The following FBXO21 variants were observed in gnomAD, a reference collection of about 807,000 sequenced individuals.
FBXO21 encodes F-box protein 21.
A neutral mutation model predicts 76.6 loss-of-function variants in FBXO21; 32 were observed. That is an observed-to-expected ratio of 0.42 (90% confidence interval 0.32 to 0.56). The LOEUF is 0.56. Among genes scored for constraint, FBXO21 ranks in the 20% least tolerant of loss-of-function variants. FBXO21 has a pLI of 0.16. For missense variants in FBXO21, 586 were observed against 797.3 expected (o/e 0.73, Z 3.19); for synonymous variants, 328 against 311.5 (o/e 1.05, Z -0.56).
intron 11 of FBXO21, chr12:117,155,061 ACATT>A (rs1955894850): frequency 6.6e-6 from 1 of 152,268 alleles, no homozygotes; most frequent in African/African-American, 2.4e-5. Context: ...ATTAGCATTC[ACATT>A]CATTTTTATT....
intron 8 of FBXO21, among the ~76,000 whole-genome samples, chr12:117,165,922 G>C (rs1383321404): frequency 6.6e-6 from 1 of 152,200 alleles, no homozygotes; most frequent in Non-Finnish European, 1.5e-5. Context: ...GGGCGCAGTG[G>C]CTCATGCCTG....
intron 9 of FBXO21, among the ~76,000 whole-genome samples, chr12:117,162,571 C>T (rs186664090): frequency 5.6e-4 from 86 of 152,330 alleles, no homozygotes; most frequent in African/African-American, 1.7e-3. Context: ...TATGTCCATA[C>T]AGCCGTCATA....
intron 8 of FBXO21, 75 bp downstream of exon 8, chr12:117,166,823 G>A (rs949169637): frequency 3.1e-6 from 4 of 1,309,912 alleles, no homozygotes; most frequent in Admixed American, 1.9e-5. Flanking sequence ...AAGTCACTTG[G>A]CACATCTCAA....
At chr12:117,161,667 G>T (rs1253607874) in intron 9 of FBXO21, among the ~76,000 whole-genome samples, 1 of 152,098 alleles carries the variant, frequency 6.6e-6, no homozygotes, top group Non-Finnish European at 1.5e-5. Context: ...CAGGTGTGTG[G>T]ATATGCTGGT....
At chr12:117,157,759 A>G (rs886226477) in intron 10 of FBXO21, 114 bp downstream of exon 10, 115 of 865,318 alleles carry the variant, frequency 1.3e-4, no homozygotes, top group Middle Eastern at 1.2e-3. Context: ...CTCGGGGGAT[A>G]AGTGATCCAG....
At chr12:117,165,874 A>G (rs1241464592) in intron 8 of FBXO21, among the ~76,000 whole-genome samples, 3 of 152,228 alleles carry the variant, frequency 2.0e-5, no homozygotes, top group African/African-American at 7.2e-5. Flanking sequence ...AGTCACTGCA[A>G]TAACACTGTA....
At chr12:117,167,767 C>T (rs1956071781) in intron 7 of FBXO21, among the ~76,000 whole-genome samples, 1 of 148,904 alleles carries the variant, frequency 6.7e-6, no homozygotes, top group Non-Finnish European at 1.5e-5. Context: ...AAAAAAGTTA[C>T]AGCACCTCAC....
At chr12:117,150,011 G>A (rs1212007176) in intron 11 of FBXO21, among the ~76,000 whole-genome samples, 1 of 152,158 alleles carries the variant, frequency 6.6e-6, no homozygotes, top group Non-Finnish European at 1.5e-5. Flanking sequence ...TGTTAGAGAG[G>A]AGCAAGGACT....
At chr12:117,174,883 A>G (rs1294799506) in intron 4 of FBXO21, 86 bp from the exon 5 acceptor site, 9 of 1,407,712 alleles carry the variant, frequency 6.4e-6, no homozygotes, top group African/African-American at 4.3e-5. Flanking sequence ...ATCCTGGGAC[A>G]TGGCTCTTTA....
At chr12:117,186,634 C>G in intron 2 of FBXO21, 63 bp from the exon 3 acceptor site, 5 of 1,040,644 alleles carry the variant, frequency 4.8e-6, no homozygotes, top group Non-Finnish European at 7.3e-6. Context: ...CTCACTCTCA[C>G]AAATTTGAGC....
Position 117,143,444 on chromosome 12 carries a change from C to T in FBXO21, c.*2643G>A, listed in dbSNP as rs1330603808. 4 of 152,232 alleles carry T rather than the reference C, an allele frequency of 2.6e-5. No homozygotes were observed. In the East Asian group the frequency reaches 5.8e-4, roughly 22 times the overall value. The allele number at this position is 152,232 out of a possible 1,614,324, so 9.4% of individuals were successfully genotyped here. On this transcript the variant is annotated 3_prime_UTR_variant, in exon 12 of 12. Transcript: ENST00000622495. ...CATTCTGGACACATCGTATACAGCA[C>T]AGCCATTCAAATCAACGGCAACAGA...
chr12:117,178,967 AG>A (rs1956203123), intron 3 of FBXO21, among the ~76,000 whole-genome samples: 1 of 152,188 alleles, frequency 6.6e-6, no homozygotes, highest in African/African-American at 2.4e-5. Context: ...GGCACATAGT[AG>A]ATGTTCCATA....
At chr12:117,188,540 G>T (rs6490118) in intron 2 of FBXO21, among the ~76,000 whole-genome samples, 34,727 of 150,144 alleles carry the variant, frequency 0.23, 4,519 homozygotes, top group Admixed American at 0.38. Flanking sequence ...GCAAGACTCT[G>T]TCTCAAAAAA....
intron 11 of FBXO21, among the ~76,000 whole-genome samples, chr12:117,147,005 G>A (rs1955778445): frequency 6.6e-6 from 1 of 152,110 alleles, no homozygotes; most frequent in Non-Finnish European, 1.5e-5. Flanking sequence ...CACTTTGGGA[G>A]GCTGAGGCGG....
Position 117,190,342 on chromosome 12 carries a change from C to G in FBXO21, c.115G>C (p.Glu39Gln). The G allele has an allele frequency of 1.9e-6, 3 of 1,541,986 alleles. No individual in the cohort carries two copies. Among genetic ancestry groups the G allele is most frequent in the Non-Finnish European group, 2.6e-6 (3 of 1,154,186 alleles). Residue 39 changes from glutamate to glutamine, a missense_variant, in exon 1 of 12, where the codon GAG becomes CAG. By Grantham distance (29) the Glu-to-Gln change is conservative. Transcript: ENST00000622495. ...AGCGAGCCGCAGCACAGGATGTACT[C>G]CAGCACCTCACCCGGCAGGTTGACG... is the stretch of plus-strand genomic sequence containing the variant. Reference protein sequence around the residue: ...CLVNLPGEVLEYILCCGSLTA... With the variant: ...CLVNLPGEVLQYILCCGSLTA...
chr12:117,147,951 G>GT (rs760395385), intron 11 of FBXO21, among the ~76,000 whole-genome samples: 14 of 152,236 alleles, frequency 9.2e-5, no homozygotes, highest in African/African-American at 4.8e-5. Flanking sequence ...ATTAATACCA[G>GT]TAAGGCCAAC....
chr12:117,159,465 C>T (rs1048915132), intron 9 of FBXO21, among the ~76,000 whole-genome samples: 18 of 152,246 alleles, frequency 1.2e-4, no homozygotes, highest in Middle Eastern at 3.4e-3. Context: ...GTGTCATATC[C>T]TAGCAAGAGC....
At chr12:117,156,005 G>A in intron 10 of FBXO21, 57 bp from the exon 11 acceptor site, 2 of 1,561,396 alleles carry the variant, frequency 1.3e-6, no homozygotes, top group South Asian at 1.1e-5. Context: ...ACAACCTCCA[G>A]ACAACCGCGT....
chr12:117,184,733 C>T (rs1017752548), intron 3 of FBXO21, among the ~76,000 whole-genome samples: 2 of 151,988 alleles, frequency 1.3e-5, no homozygotes, highest in Admixed American at 1.3e-4. Flanking sequence ...GCTACAAGAG[C>T]GAAATTCCAT....
Sources: allele counts gnomAD v4.1 joint callset (sites outside exome capture counted in the v4.1 genomes callset), GRCh38; gene constraint gnomAD v4.1.1; transcripts MANE v1.5; gene names NCBI Gene and HGNC (gene_info 2026-07-23, HGNC 2026-07-21).